The following ARHGAP42 variants were observed in gnomAD, a reference collection of about 807,000 sequenced individuals.
ARHGAP42 encodes the protein Rho GTPase activating protein 42.
In ARHGAP42, 63 loss-of-function variants were observed where a neutral mutation model predicts 125.0. The ratio of observed to expected loss-of-function variants is 0.50; its 90% CI spans 0.41 to 0.62. The LOEUF is 0.62. Ranked by LOEUF, ARHGAP42 falls within the 20% of genes least tolerant of loss-of-function variation. ARHGAP42 has a pLI of 0.00. For synonymous variants in ARHGAP42, 339 were observed against 351.0 expected (o/e 0.97, Z 0.38); for missense variants, 766 against 1,024.2 (o/e 0.75, Z 3.44).
In ARHGAP42 at chr11:100,890,920, C is replaced by T. The variant is rs79240009; in HGVS notation, c.385-22532C>T. ...GAACTCCAAGTCTTGGGAAGCTGCC[C>T]CTGTTTCACAGGCATTTCACGCCTG... is the stretch of plus-strand genomic sequence containing the variant. On this transcript the variant is annotated intron_variant, in intron 4 of 23. Coordinates refer to ENST00000298815, the MANE Select transcript of ARHGAP42 (RefSeq NM_152432.4). 8.3e-3 allele frequency among the ~76,000 whole-genome samples: 1,259 copies of T among 152,170 alleles called. 18 individuals carry two copies. Among genetic ancestry groups the T allele is most frequent in the African/African-American group, 0.027 (1,139 of 41,512 alleles).
intron 3 of ARHGAP42, among the ~76,000 whole-genome samples, chr11:100,803,245 G>C (rs139168007): frequency 5.3e-5 from 8 of 151,988 alleles, no homozygotes; most frequent in South Asian, 2.1e-4. Flanking sequence ...ATTTAGATGC[G>C]TACTGTATAT....
At chr11:100,793,575 A>G (rs1236900780) in intron 2 of ARHGAP42, among the ~76,000 whole-genome samples, 2 of 152,236 alleles carry the variant, frequency 1.3e-5, no homozygotes, top group Non-Finnish European at 2.9e-5. Flanking sequence ...AAAAGAGAAA[A>G]TATTTTAAGT....
At chr11:100,970,914 G>C (rs1195182346) in intron 17 of ARHGAP42, among the ~76,000 whole-genome samples, 2 of 151,942 alleles carry the variant, frequency 1.3e-5, no homozygotes, top group African/African-American at 4.8e-5. Context: ...AGTTGCATTC[G>C]CTGGGAATTC....
At chr11:100,797,720 A>G (rs1863752915) in intron 3 of ARHGAP42, among the ~76,000 whole-genome samples, 1 of 152,360 alleles carries the variant, frequency 6.6e-6, no homozygotes, top group Admixed American at 6.5e-5. Flanking sequence ...TGTTAACACA[A>G]CATTCATTCT....
Position 100,688,619 on chromosome 11 carries a change from TA to T in ARHGAP42, c.154+789del, listed in dbSNP as rs1225552805. ...ATCTTAGCTTTCAATTCCTAAGACC[TA>T]AGAGTATCTGAAACTGAAGAGTTTC... On this transcript the variant is annotated intron_variant, in intron 1 of 23. Coordinates refer to ENST00000298815, the MANE Select transcript of ARHGAP42 (RefSeq NM_152432.4). Among the ~76,000 whole-genome samples the T allele has an allele frequency of 3.3e-5, 5 of 152,232 alleles. No individual in the cohort carries two copies. In the East Asian group the frequency reaches 9.6e-4, roughly 29 times the overall value.
intron 2 of ARHGAP42, among the ~76,000 whole-genome samples, chr11:100,774,751 C>G (rs1165136948): frequency 2.6e-5 from 4 of 152,160 alleles, no homozygotes; most frequent in African/African-American, 7.2e-5. Flanking sequence ...GTATAATTGC[C>G]TAATTATGAA....
intron 1 of ARHGAP42, among the ~76,000 whole-genome samples, chr11:100,740,258 C>T (rs181488682): frequency 9.8e-4 from 146 of 148,990 alleles, no homozygotes; most frequent in African/African-American, 3.6e-3. Context: ...TATGGCCTCT[C>T]CCTTCTCCCA....
chr11:100,732,686 CAAGAGGCTGTAGATGTA>C (rs750198876), intron 1 of ARHGAP42, among the ~76,000 whole-genome samples: 4 of 152,092 alleles, frequency 2.6e-5, no homozygotes, highest in African/African-American at 4.8e-5. Context: ...GGACACAGGC[CAAGAGGCTGTAGATGTA>C]GAGAGCTGTG....
At chr11:100,961,821 T>C (rs1451058033) in intron 15 of ARHGAP42, 53 bp downstream of exon 15, 2 of 1,437,540 alleles carry the variant, frequency 1.4e-6, no homozygotes, top group African/African-American at 2.8e-5. Flanking sequence ...ACTCACCCCT[T>C]GAGTAGTAAC....
intron 22 of ARHGAP42, chr11:100,986,096 A>G (rs1858672201): frequency 4.4e-6 from 2 of 456,730 alleles, no homozygotes; most frequent in Non-Finnish European, 8.8e-6. Flanking sequence ...GAGTTATACT[A>G]CTAAGCATCA....
At chr11:100,751,724 C>T (rs1039852007) in intron 1 of ARHGAP42, among the ~76,000 whole-genome samples, 17 of 148,198 alleles carry the variant, frequency 1.1e-4, no homozygotes, top group Non-Finnish European at 2.5e-4. Flanking sequence ...ATCCACCTCA[C>T]AGACACACTC....
rs142961524 is a variant in ARHGAP42 at position 100,942,538 on chromosome 11, T to G, written c.933+654T>G. On this transcript the variant is annotated intron_variant, in intron 9 of 23. Coordinates refer to ENST00000298815, the MANE Select transcript of ARHGAP42 (RefSeq NM_152432.4). ...TATGGCAAATGATTGAACTTTTGAATTAATTAGGTCACAATCTGAGCACGC... is the reference window on the plus strand; with the variant it reads ...TATGGCAAATGATTGAACTTTTGAAGTAATTAGGTCACAATCTGAGCACGC... 4.6e-3 allele frequency among the ~76,000 whole-genome samples: 704 copies of G among 152,248 alleles called. 2 individuals are homozygous for G. The highest frequency in any genetic ancestry group is 0.016 in the African/African-American group (669 of 41,550).
intron 4 of ARHGAP42, among the ~76,000 whole-genome samples, chr11:100,882,443 C>G (rs962706699): frequency 6.6e-6 from 1 of 150,560 alleles, no homozygotes; most frequent in Non-Finnish European, 1.5e-5. Context: ...GGTATGAAAC[C>G]CACATCATCA....
intron 3 of ARHGAP42, among the ~76,000 whole-genome samples, chr11:100,852,990 A>G (rs1209486931): frequency 6.6e-6 from 1 of 152,186 alleles, no homozygotes; most frequent in Non-Finnish European, 1.5e-5. Context: ...TCAGGGTGCA[A>G]CATTTCTTAA....
intron 3 of ARHGAP42, 56 bp from the exon 4 acceptor site, chr11:100,859,498 A>G: frequency 7.0e-7 from 1 of 1,429,606 alleles, no homozygotes; most frequent in Non-Finnish European, 9.4e-7. Flanking sequence ...CCATTTTTTC[A>G]ATGTTGTTGG....
chr11:100,756,388 A>G (rs1187568921), intron 1 of ARHGAP42, among the ~76,000 whole-genome samples: 2 of 152,132 alleles, frequency 1.3e-5, no homozygotes, highest in African/African-American at 4.8e-5. Flanking sequence ...ACAGAGCAAG[A>G]CCCTGTCTCA....
In ARHGAP42 at chr11:100,775,148, G is replaced by C. The variant is rs1437187612; in HGVS notation, c.250+4710G>C. Among the ~76,000 whole-genome samples the C allele has an allele frequency of 6.6e-5, 10 of 152,262 alleles. No homozygotes were observed. In the East Asian group the frequency reaches 1.9e-3, roughly 29 times the overall value. Reference sequence around the variant, plus strand: ...CTTTCATCTGCTCACTGCAGTGCTGGGTGAGTGGGAAGTGGCCTATTGAGT... The same window carrying C: ...CTTTCATCTGCTCACTGCAGTGCTGCGTGAGTGGGAAGTGGCCTATTGAGT... On this transcript the variant is annotated intron_variant, in intron 2 of 23. Coordinates refer to ENST00000298815, the MANE Select transcript of ARHGAP42 (RefSeq NM_152432.4).
At chr11:100,983,094 C>G (rs893771429) in intron 22 of ARHGAP42, among the ~76,000 whole-genome samples, 3 of 152,144 alleles carry the variant, frequency 2.0e-5, no homozygotes, top group Non-Finnish European at 4.4e-5. Flanking sequence ...TCATCCGTGG[C>G]AGTGGTTTCT....
chr11:100,977,035 G>C, intron 21 of ARHGAP42, 64 bp downstream of exon 21: 2 of 1,529,954 alleles, frequency 1.3e-6, no homozygotes, highest in Non-Finnish European at 1.8e-6. Flanking sequence ...GAGTGTTTCA[G>C]AAGAACTCTT....
Sources: gnomAD v4.1 joint callset for allele counts (sites outside exome capture counted in the v4.1 genomes callset) on GRCh38, gnomAD v4.1.1 for gene constraint, MANE v1.5 for transcripts, NCBI Gene and HGNC (gene_info 2026-07-23, HGNC 2026-07-21) for gene names.